ZEB2: variants seen among roughly 807,000 people sequenced by gnomAD.
The protein encoded by ZEB2 is zinc finger E-box-binding homeobox 2.
ZEB2 carries 6 observed loss-of-function variants against 99.9 expected under a neutral mutation model. The observed-to-expected ratio is 0.06, with a 90% CI of 0.03 to 0.12. ZEB2 has a LOEUF of 0.12. Ranked by LOEUF, ZEB2 falls within the 10% of genes least tolerant of loss-of-function variation. The probability of loss-of-function intolerance (pLI) is 1.00; values close to 1 mark genes in which losing one functional copy is unlikely to be tolerated. For synonymous variants in ZEB2, 517 were observed against 542.5 expected (o/e 0.95, Z 0.65); for missense variants, 969 against 1,502.8 (o/e 0.64, Z 5.87).
At chr2:144,412,992 G>C (rs1703486221) in intron 4 of ZEB2, among the ~76,000 whole-genome samples, 1 of 152,118 alleles carries the variant, frequency 6.6e-6, no homozygotes. Flanking sequence ...CCTCATTTTG[G>C]CTCAGTTATT....
chr2:144,456,445 T>C (rs1395380950), intron 2 of ZEB2, among the ~76,000 whole-genome samples: 1 of 152,158 alleles, frequency 6.6e-6, no homozygotes, highest in Non-Finnish European at 1.5e-5. Flanking sequence ...TCATTTCAAT[T>C]TTCTTCAAGC....
rs1435925478 is a variant in ZEB2 at position 144,385,537 on chromosome 2, C to T, written c.*3914G>A. On this transcript the variant is annotated 3_prime_UTR_variant, in exon 10 of 10. Transcript: ENST00000627532. The stretch of plus-strand genomic sequence containing the variant: ...TGCCCCATTGCACAATAAATAAATC[C>T]GCTGAGTGTGTTTGTTTGAATGTTT... 6 of 151,982 alleles carry T rather than the reference C, an allele frequency of 3.9e-5. No homozygotes were observed. The highest frequency in any genetic ancestry group is 7.3e-5 in the African/African-American group (3 of 41,370). 9.4% of individuals were successfully genotyped at this position (151,982 alleles called of 1,614,324 possible). A position where few individuals can be genotyped will look rare whatever the true frequency, so the allele number is the denominator to read the frequency against.
At chr2:144,512,321 A>G in intron 2 of ZEB2, 1 of 1,287,234 alleles carries the variant, frequency 7.8e-7, no homozygotes. Flanking sequence ...GATGACAAAA[A>G]CTGTTGCAAG....
At chr2:144,513,351 T>C in intron 2 of ZEB2, 1 of 1,312,896 alleles carries the variant, frequency 7.6e-7, no homozygotes, top group Non-Finnish European at 9.9e-7. Context: ...TCTTTGCCAC[T>C]GAAGTTCAGA....
intron 2 of ZEB2, among the ~76,000 whole-genome samples, chr2:144,465,672 C>T (rs1294418212): frequency 6.6e-6 from 1 of 152,038 alleles, no homozygotes; most frequent in East Asian, 1.9e-4. Context: ...GCTTAACAAG[C>T]AAGTGTGTAA....
chr2:144,511,444 A>G (rs1161262826), intron 2 of ZEB2: 42 of 1,250,064 alleles, frequency 3.4e-5, no homozygotes, highest in Non-Finnish European at 4.2e-5. Context: ...TTCCTGAGAG[A>G]TTTCACTCTG....
chr2:144,513,468 T>C, intron 2 of ZEB2: 1 of 1,503,730 alleles, frequency 6.7e-7, no homozygotes. Context: ...TCTTCTCCTA[T>C]TTCCCTTTTC....
At chr2:144,417,846 A>G (rs1703561315) in intron 4 of ZEB2, among the ~76,000 whole-genome samples, 1 of 152,230 alleles carries the variant, frequency 6.6e-6, no homozygotes, top group Admixed American at 6.5e-5. Context: ...TCCTTATCAC[A>G]AAGAAATGAT....
At chr2:144,479,570 C>T (rs567400731) in intron 2 of ZEB2, among the ~76,000 whole-genome samples, 4 of 151,374 alleles carry the variant, frequency 2.6e-5, no homozygotes, top group South Asian at 2.1e-4. Flanking sequence ...CCTGCTGTAG[C>T]CCTTATAAAG....
intron 9 of ZEB2, among the ~76,000 whole-genome samples, chr2:144,393,131 G>A (rs765367775): frequency 3.3e-5 from 5 of 152,184 alleles, no homozygotes; most frequent in Non-Finnish European, 5.9e-5. Context: ...CCTAACAGGA[G>A]TTTCAGAGTT....
chr2:144,386,793 T>C lies in ZEB2; in HGVS notation c.*2658A>G, dbSNP rs550131697. Reference sequence around the variant, plus strand: ...CCTAGAGCCTTTCAAACCAGAAAAATTTATGTAGTGTATTTATTTGTGCCA... The same window carrying C: ...CCTAGAGCCTTTCAAACCAGAAAAACTTATGTAGTGTATTTATTTGTGCCA... On this transcript the variant is annotated 3_prime_UTR_variant, in exon 10 of 10. Transcript: ENST00000627532. The C allele has an allele frequency of 6.6e-6, 1 of 151,668 alleles. No individual in the cohort carries two copies. The highest frequency in any genetic ancestry group is 1.5e-5 in the Non-Finnish European group (1 of 67,890). The allele number at this position is 151,668 out of a possible 1,614,324, so 9.4% of individuals were successfully genotyped here.
chr2:144,404,596 A>C (rs1703358768), intron 5 of ZEB2, among the ~76,000 whole-genome samples: 1 of 152,216 alleles, frequency 6.6e-6, no homozygotes, highest in African/African-American at 2.4e-5. Context: ...AGATATTTTT[A>C]TCTCTTAGAA....
intron 2 of ZEB2, chr2:144,513,764 C>A: frequency 6.5e-7 from 1 of 1,536,090 alleles, no homozygotes; most frequent in Non-Finnish European, 8.7e-7. Flanking sequence ...AGCAGGGCAT[C>A]TCCCGCTCCG....
chr2:144,484,592 C>T (rs1704567595), intron 2 of ZEB2, among the ~76,000 whole-genome samples: 1 of 152,070 alleles, frequency 6.6e-6, no homozygotes, highest in Non-Finnish European at 1.5e-5. Flanking sequence ...TTGCCATGGC[C>T]ACTGCTTGTG....
At chr2:144,465,302 T>G (rs1342055188) in intron 2 of ZEB2, among the ~76,000 whole-genome samples, 1 of 152,174 alleles carries the variant, frequency 6.6e-6, no homozygotes, top group African/African-American at 2.4e-5. Flanking sequence ...GGATGGTGCC[T>G]GGTCCATGGT....
intron 4 of ZEB2, among the ~76,000 whole-genome samples, chr2:144,415,757 C>T (rs1051128076): frequency 1.3e-5 from 2 of 152,202 alleles, no homozygotes; most frequent in South Asian, 4.1e-4. Context: ...ACTGTATAAA[C>T]CACTGCATCC....
intron 2 of ZEB2, among the ~76,000 whole-genome samples, chr2:144,507,021 C>T (rs1704959936): frequency 6.6e-6 from 1 of 152,018 alleles, no homozygotes; most frequent in Non-Finnish European, 1.5e-5. Flanking sequence ...TTTAAATGTT[C>T]CCACCTTAGT....
In ZEB2 at chr2:144,398,349, A is replaced by G; in HGVS notation, c.2838T>C (p.Phe946=). The change falls in exon 8 of 10, where the codon TTT becomes TTC. Residue 946 remains phenylalanine (F), a synonymous_variant. Transcript: ENST00000627532. ...AYTYPTGAAT[F]ADMQQRRKYQ... ...ACTTTCTCCTTTGCTGCATATCAGC[A>G]AAAGTAGCTGCTCCAGTTGGGTAGG... 3 of 1,614,050 alleles carry G rather than the reference A, an allele frequency of 1.9e-6. No individual in the cohort carries two copies. The highest frequency in any genetic ancestry group is 1.1e-5 in the South Asian group (1 of 91,054).
chr2:144,487,977 C>A (rs1268192398), intron 2 of ZEB2, among the ~76,000 whole-genome samples: 1 of 152,156 alleles, frequency 6.6e-6, no homozygotes, highest in East Asian at 1.9e-4. Flanking sequence ...TGACATGAAT[C>A]TCCTTCCCCT....
Sources: allele counts gnomAD v4.1 joint callset (sites outside exome capture counted in the v4.1 genomes callset), GRCh38; gene constraint gnomAD v4.1.1; transcripts MANE v1.5; gene names NCBI Gene and HGNC (gene_info 2026-07-23, HGNC 2026-07-21).